The following DIAPH2 variants were observed in gnomAD, a reference collection of about 807,000 sequenced individuals.
DIAPH2 encodes the protein diaphanous related formin 2.
In DIAPH2, 35 loss-of-function variants were observed where a neutral mutation model predicts 92.7. The observed-to-expected ratio is 0.38, with a 90% CI of 0.29 to 0.50. The LOEUF (loss-of-function observed/expected upper bound fraction) is 0.50, where lower values mean the gene tolerates loss of function less well. DIAPH2 is among the 20% of genes least tolerant of loss of function. The pLI is 0.94. For synonymous variants in DIAPH2, 301 were observed against 280.4 expected (o/e 1.07, Z -0.73); for missense variants, 701 against 819.5 (o/e 0.86, Z 1.77).
At chrX:96,900,835 G>C (rs1443022040) in intron 5 of DIAPH2, among the ~76,000 whole-genome samples, 1 of 111,890 alleles carries the variant, frequency 8.9e-6, no homozygotes, top group East Asian at 2.8e-4. Flanking sequence ...GATATATTAT[G>C]TTTTTGATAT....
chrX:97,474,901 A>T (rs1240626066), intron 26 of DIAPH2, among the ~76,000 whole-genome samples: 1 of 111,497 alleles, frequency 9.0e-6, no homozygotes, highest in Non-Finnish European at 1.9e-5. Context: ...ACCTTGCTTT[A>T]TTAGAAATGA....
At chrX:97,257,321 A>T (rs143587258) in intron 23 of DIAPH2, among the ~76,000 whole-genome samples, 1 of 111,485 alleles carries the variant, frequency 9.0e-6, no homozygotes, top group East Asian at 2.8e-4. Context: ...TGAAAAATTT[A>T]AAAAGGCCGT....
intron 5 of DIAPH2, among the ~76,000 whole-genome samples, chrX:96,899,129 G>A (rs1348590896): frequency 1.8e-5 from 2 of 110,542 alleles, no homozygotes; most frequent in African/African-American, 6.6e-5. Context: ...GGTTACTGTA[G>A]GCTTGTAGTA....
intron 26 of DIAPH2, among the ~76,000 whole-genome samples, chrX:97,582,910 T>G (rs1304820542): frequency 1.8e-5 from 2 of 111,405 alleles, no homozygotes; most frequent in African/African-American, 3.3e-5. Context: ...CCTTCTCGCT[T>G]CATTTCATTC....
At chrX:97,338,611 C>A (rs2069086023) in intron 23 of DIAPH2, among the ~76,000 whole-genome samples, 1 of 111,773 alleles carries the variant, frequency 8.9e-6, no homozygotes, top group East Asian at 2.8e-4. Flanking sequence ...TTGATTTTTC[C>A]ATGTTCTTCA....
intron 26 of DIAPH2, among the ~76,000 whole-genome samples, chrX:97,447,654 C>T (rs2070323719): frequency 9.0e-6 from 1 of 111,649 alleles, no homozygotes; most frequent in African/African-American, 3.3e-5. Context: ...TGCGTTAGCT[C>T]TGTATGTAAC....
intron 26 of DIAPH2, among the ~76,000 whole-genome samples, chrX:97,498,293 A>G (rs891486302): frequency 8.9e-6 from 1 of 111,978 alleles, no homozygotes; most frequent in Admixed American, 9.5e-5. Context: ...TTCTACTGCC[A>G]TGTGGCTTTT....
At chrX:97,362,939 A>G (rs905144804) in intron 24 of DIAPH2, among the ~76,000 whole-genome samples, 4 of 112,417 alleles carry the variant, frequency 3.6e-5, no homozygotes, top group Non-Finnish European at 5.6e-5. Flanking sequence ...CCTAAAATTC[A>G]GGGATCACTG....
At position 96,949,051 on chromosome X, in the gene DIAPH2, AGATATAGACTT is replaced by A; in HGVS notation, c.1614+13_1614+23del. On this transcript the variant is annotated intron_variant, in intron 15 of 26. Coordinates refer to ENST00000324765, the MANE Select transcript of DIAPH2 (RefSeq NM_006729.5). ...AACTTCGAACCCAGGTAATGAAAGA[AGATATAGACTT>A]TGTGTCATGTCACAATGAGTTTGAT... The A allele has an allele frequency of 2.7e-6, 3 of 1,102,034 alleles. No individual in the cohort carries two copies. The allele number at this position is 1,102,034 out of a possible 1,213,427, so 90.8% of individuals were successfully genotyped here. A position where few individuals can be genotyped will look rare whatever the true frequency, so the allele number is the denominator to read the frequency against.
At chrX:96,984,739 G>A (rs368732865) in intron 17 of DIAPH2, among the ~76,000 whole-genome samples, 25 of 111,299 alleles carry the variant, frequency 2.2e-4, no homozygotes, top group African/African-American at 8.1e-4. Flanking sequence ...TTCCTTAGCC[G>A]CTGGGCAATG....
intron 1 of DIAPH2, among the ~76,000 whole-genome samples, chrX:96,695,385 A>T (rs750310059): frequency 2.7e-5 from 3 of 112,623 alleles, no homozygotes; most frequent in Non-Finnish European, 5.6e-5. Flanking sequence ...GTATTCTCTT[A>T]TCTCAAATTC....
intron 26 of DIAPH2, among the ~76,000 whole-genome samples, chrX:97,483,117 C>G (rs1381102259): frequency 9.0e-6 from 1 of 110,639 alleles, no homozygotes; most frequent in African/African-American, 3.3e-5. Context: ...CTTTTTTGCT[C>G]TTCTTTTATA....
chrX:97,369,857 T>C (rs1178809610), intron 24 of DIAPH2, among the ~76,000 whole-genome samples: 1 of 111,608 alleles, frequency 9.0e-6, no homozygotes, highest in Non-Finnish European at 1.9e-5. Context: ...GCAAAAAAAA[T>C]CTCTCTGTTC....
chrX:97,578,093 C>CTT (rs201313921), intron 26 of DIAPH2, among the ~76,000 whole-genome samples: 12 of 90,823 alleles, frequency 1.3e-4, no homozygotes, highest in Non-Finnish European at 2.4e-4. Flanking sequence ...TGTTTTCTTT[C>CTT]TTTTTTTTTT....
At chrX:97,231,609 T>A (rs1384508094) in intron 22 of DIAPH2, among the ~76,000 whole-genome samples, 1 of 111,851 alleles carries the variant, frequency 8.9e-6, no homozygotes, top group African/African-American at 3.2e-5. Flanking sequence ...ATTCACATTT[T>A]GAAAATATTA....
chrX:96,947,357 A>C (rs2065744386), intron 14 of DIAPH2, among the ~76,000 whole-genome samples: 1 of 111,303 alleles, frequency 9.0e-6, no homozygotes, highest in Non-Finnish European at 1.9e-5. Flanking sequence ...ACAGATTGAG[A>C]TAAATCTTAA....
At chrX:96,690,181 C>A (rs1569366579) in intron 1 of DIAPH2, among the ~76,000 whole-genome samples, 2 of 110,737 alleles carry the variant, frequency 1.8e-5, no homozygotes, top group Non-Finnish European at 3.8e-5. Context: ...CAACGATGAG[C>A]CAAGTAACAT....
At chrX:96,850,270 A>G (rs1236403260) in intron 4 of DIAPH2, among the ~76,000 whole-genome samples, 2 of 112,111 alleles carry the variant, frequency 1.8e-5, no homozygotes, top group Non-Finnish European at 3.8e-5. Flanking sequence ...TACAATCTAG[A>G]GATAGATTAA....
intron 22 of DIAPH2, among the ~76,000 whole-genome samples, chrX:97,159,150 C>G (rs186494091): frequency 8.9e-6 from 1 of 111,762 alleles, no homozygotes; most frequent in African/African-American, 3.2e-5. Context: ...TTAAGGTTGT[C>G]AGCATTTCCA....
Sources: gnomAD v4.1 joint callset for allele counts (sites outside exome capture counted in the v4.1 genomes callset) on GRCh38, gnomAD v4.1.1 for gene constraint, MANE v1.5 for transcripts, NCBI Gene and HGNC (gene_info 2026-07-23, HGNC 2026-07-21) for gene names.